KLC1: variants seen among roughly 807,000 people sequenced by gnomAD.
KLC1 encodes the protein kinesin 2 60/70kDa.
KLC1 carries 30 observed loss-of-function variants against 84.2 expected under a neutral mutation model. The ratio of observed to expected loss-of-function variants is 0.36; its 90% CI spans 0.27 to 0.48. The LOEUF (loss-of-function observed/expected upper bound fraction) is 0.48. Ranked by LOEUF, KLC1 falls within the 20% of genes least tolerant of loss-of-function variation. The pLI, the probability that KLC1 is intolerant of heterozygous loss-of-function variation, is 0.99. For missense variants in KLC1, 499 were observed against 805.4 expected (o/e 0.62, Z 4.60); for synonymous variants, 289 against 293.3 (o/e 0.99, Z 0.15).
chr14:103,670,010 T>C (rs1038846085), intron 6 of KLC1, among the ~76,000 whole-genome samples, 172 bp from the exon 7 acceptor site: 7 of 152,248 alleles, frequency 4.6e-5, no homozygotes, highest in Non-Finnish European at 1.0e-4. Context: ...TGTTACTTTG[T>C]ATAATCTATA....
chr14:103,637,934 G>A (rs1204949405), intron 1 of KLC1, among the ~76,000 whole-genome samples: 1 of 152,050 alleles, frequency 6.6e-6, no homozygotes, highest in Non-Finnish European at 1.5e-5. Context: ...CAAATGATCT[G>A]CTCTCCTTGG....
At chr14:103,670,597 A>G (rs562809191) in intron 7 of KLC1, among the ~76,000 whole-genome samples, 1 of 151,668 alleles carries the variant, frequency 6.6e-6, no homozygotes, top group East Asian at 1.9e-4. Context: ...GGCCTCCCAA[A>G]GTGCTGGGAT....
intron 1 of KLC1, among the ~76,000 whole-genome samples, chr14:103,643,088 A>C (rs571975768): frequency 5.9e-5 from 9 of 152,222 alleles, no homozygotes; most frequent in Non-Finnish European, 1.3e-4. Context: ...TATTTTTAAC[A>C]ATTAGTATTT....
rs1397991989 is a variant in KLC1 at position 103,694,140 on chromosome 14, T to A, written c.1848+1715T>A. ...CTTCCCAGCTGGAGCATCTTCCGGG[T>A]CTCTCTTTCCAAGGTCCCCATGCCT... On this transcript the variant is annotated intron_variant, in intron 15 of 16. Coordinates refer to ENST00000334553, the MANE Select transcript of KLC1 (RefSeq NM_001394837.1). The surrounding 1 kb of genome is among the most constrained non-coding windows in gnomAD (Gnocchi z 4.5). 1 of 985,384 alleles carries A rather than the reference T, an allele frequency of 1.0e-6. No individual in the cohort carries two copies. The highest frequency in any genetic ancestry group is 1.2e-6 in the Non-Finnish European group (1 of 829,756). 61.0% of individuals were successfully genotyped at this position (985,384 alleles called of 1,614,324 possible). A position where few individuals can be genotyped will look rare whatever the true frequency, so the allele number is the denominator to read the frequency against.
chr14:103,637,504 TG>T (rs1380567068), intron 1 of KLC1, among the ~76,000 whole-genome samples: 2 of 151,484 alleles, frequency 1.3e-5, no homozygotes, highest in Non-Finnish European at 2.9e-5. Flanking sequence ...CATTCCAGCC[TG>T]GGCAACAGAG....
At chr14:103,649,690 T>C (rs575964271) in intron 1 of KLC1, among the ~76,000 whole-genome samples, 1 of 151,414 alleles carries the variant, frequency 6.6e-6, no homozygotes, top group Admixed American at 6.6e-5. Flanking sequence ...AAAAAGGGCT[T>C]CTTATGTGTT....
Position 103,694,480 on chromosome 14 carries a change from T to A in KLC1, c.1848+2055T>A. ...TCACTTTTTAAAAGCTTAAGCTTTATGGAATGAGGGAGCACGGTGGACTCT... is the reference window on the plus strand; with the variant it reads ...TCACTTTTTAAAAGCTTAAGCTTTAAGGAATGAGGGAGCACGGTGGACTCT... On this transcript the variant is annotated intron_variant, in intron 15 of 16. Coordinates refer to ENST00000334553, the MANE Select transcript of KLC1 (RefSeq NM_001394837.1). This position sits in a 1 kb window ranked among gnomAD's most constrained non-coding sequence, Gnocchi z 4.5. 1.0e-6 allele frequency: 1 copy of A among 985,496 alleles called. No homozygotes were observed. Among genetic ancestry groups the A allele is most frequent in the Non-Finnish European group, 1.2e-6 (1 of 829,974 alleles). 61.0% of individuals were successfully genotyped at this position (985,496 alleles called of 1,614,324 possible).
chr14:103,661,886 C>T (rs933173620), intron 3 of KLC1, among the ~76,000 whole-genome samples: 2 of 152,172 alleles, frequency 1.3e-5, no homozygotes, highest in Non-Finnish European at 2.9e-5. Context: ...TGGCCCATTT[C>T]GTCAAACTGT....
chr14:103,694,963 A>G lies in KLC1; in HGVS notation c.1848+2538A>G, dbSNP rs909499493. On this transcript the variant is annotated intron_variant, in intron 15 of 16. Transcript: ENST00000334553. This position sits in a 1 kb window ranked among gnomAD's most constrained non-coding sequence, Gnocchi z 4.5. ...GTAGTCGCCAGCGGGTGCCTGGCCC[A>G]GGAGCTGCCCTGTGGAGCCAGCGTT... is the stretch of plus-strand genomic sequence containing the variant. 2 of 985,284 alleles carry G rather than the reference A, an allele frequency of 2.0e-6. No individual in the cohort carries two copies. Among genetic ancestry groups the G allele is most frequent in the African/African-American group, 3.5e-5 (2 of 57,218 alleles). 61.0% of individuals were successfully genotyped at this position (985,284 alleles called of 1,614,324 possible).
At position 103,701,190 on chromosome 14, in the gene KLC1, T is replaced by G. The variant is rs1213390127; in HGVS notation, c.*2-11T>G. 1.9e-6 allele frequency: 3 copies of G among 1,550,750 alleles called. No individual in the cohort carries two copies. The highest frequency in any genetic ancestry group is 2.6e-6 in the Non-Finnish European group (3 of 1,146,384). ...GGCGGCCCAGCCCTGACCTTCTATC[T>G]TCTCTTGCAGTGACCCCGACCTGGC... is the stretch of plus-strand genomic sequence containing the variant. On this transcript the variant is annotated splice_polypyrimidine_tract_variant and intron_variant, in intron 16 of 16. Coordinates refer to ENST00000334553, the MANE Select transcript of KLC1 (RefSeq NM_001394837.1).
At chr14:103,638,244 C>T (rs1188799197) in intron 1 of KLC1, among the ~76,000 whole-genome samples, 4 of 152,190 alleles carry the variant, frequency 2.6e-5, no homozygotes, top group Non-Finnish European at 5.9e-5. Flanking sequence ...CCTTAATGTG[C>T]TACCCTCGTC....
chr14:103,641,607 AT>A (rs1257707680), intron 1 of KLC1, among the ~76,000 whole-genome samples: 1 of 151,948 alleles, frequency 6.6e-6, no homozygotes, highest in Non-Finnish European at 1.5e-5. Flanking sequence ...AATAATAATT[AT>A]TTTTTTGAGA....
rs189673164 is a variant in KLC1 at position 103,701,272 on chromosome 14, G to A, written c.*73G>A. On this transcript the variant is annotated 3_prime_UTR_variant, in exon 17 of 17. Transcript: ENST00000334553. ...CCGGAGCTGGCCCGGGACAGCCAGG[G>A]CGGCAGGGAGGGCCCCTGGCCGGGA... is the stretch of plus-strand genomic sequence containing the variant. The A allele has an allele frequency of 7.0e-4, 1,052 of 1,513,546 alleles. 10 individuals carry two copies. In the East Asian group the frequency reaches 0.017, roughly 25 times the overall value. The allele number at this position is 1,513,546 out of a possible 1,614,324, so 93.8% of individuals were successfully genotyped here.
Position 103,651,583 on chromosome 14 carries a change from T to C in KLC1, c.-1-2981T>C, listed in dbSNP as rs546338504. 3.2e-4 allele frequency among the ~76,000 whole-genome samples: 48 copies of C among 152,350 alleles called. 3 individuals are homozygous for C. The highest frequency in any genetic ancestry group is 2.9e-3 in the Admixed American group (44 of 15,288). On this transcript the variant is annotated intron_variant, in intron 1 of 16. Transcript: ENST00000334553. ...GAGTCTAAATATACATGCCGCTGTC[T>C]GTTTCCCTCTGAAGAAGTGGCACGT...
rs149993792 is a variant in KLC1 at position 103,666,596 on chromosome 14, T to C, written c.798-2915T>C. Among the ~76,000 whole-genome samples, 3 of 151,476 alleles carry C rather than the reference T, an allele frequency of 2.0e-5. No homozygotes were observed. In the East Asian group the frequency reaches 5.8e-4, roughly 29 times the overall value. On this transcript the variant is annotated intron_variant, in intron 5 of 16. Coordinates refer to ENST00000334553, the MANE Select transcript of KLC1 (RefSeq NM_001394837.1). ...GTTTAATATACCTCATCTCATTTAATTCTTTTTTTTTTTTTTCTGAAACGA... is the reference window on the plus strand; with the variant it reads ...GTTTAATATACCTCATCTCATTTAACTCTTTTTTTTTTTTTTCTGAAACGA...
Position 103,693,419 on chromosome 14 carries a change from T to C in KLC1, c.1848+994T>C, listed in dbSNP as rs2082233496. On this transcript the variant is annotated intron_variant, in intron 15 of 16. Transcript: ENST00000334553. This position sits in a 1 kb window ranked among gnomAD's most constrained non-coding sequence, Gnocchi z 5.1. ...GTTTCTTGGAGTTTCTACATGCACA[T>C]TGACCCCTGGGCCTCTCGAGTGCCA... 9 of 1,383,778 alleles carry C rather than the reference T, an allele frequency of 6.5e-6. No homozygotes were observed. The highest frequency in any genetic ancestry group is 4.5e-5 in the Admixed American group (2 of 44,462). 85.7% of individuals were successfully genotyped at this position (1,383,778 alleles called of 1,614,324 possible). A position where few individuals can be genotyped will look rare whatever the true frequency, so the allele number is the denominator to read the frequency against.
At chr14:103,661,538 A>G (rs1395422656) in intron 3 of KLC1, among the ~76,000 whole-genome samples, 2 of 152,130 alleles carry the variant, frequency 1.3e-5, no homozygotes, top group Non-Finnish European at 2.9e-5. Context: ...CCTCATGACA[A>G]AGCTAATTTC....
chr14:103,699,720 C>A, intron 15 of KLC1: 1 of 766,010 alleles, frequency 1.3e-6, no homozygotes, highest in South Asian at 1.5e-5. Flanking sequence ...AGTCCCCATA[C>A]TCTGAGCCCA....
chr14:103,679,480 G>T lies in KLC1; in HGVS notation c.1585G>T (p.Val529Leu). The change falls in exon 13 of 17, where the codon GTG becomes TTG. Residue 529 changes from valine to leucine, a missense_variant. Val to Leu is a conservative substitution (Grantham distance 32, BLOSUM62 1). This residue lies in a region of KLC1 where 167 missense variants were observed against 208.8 expected (regional missense o/e 0.80). Transcript: ENST00000334553. ...RRSRESLNVD[V>L]VKYESGPDGG... ...GAGCCGTGAGAGCCTCAACGTGGAC[G>T]TGGTCAAGTACGAGAGTGGCCCTGA... 1 of 1,614,152 alleles carries T rather than the reference G, an allele frequency of 6.2e-7. No homozygotes were observed. Among genetic ancestry groups the T allele is most frequent in the Non-Finnish European group, 8.5e-7 (1 of 1,180,008 alleles).
Sources: allele counts gnomAD v4.1 joint callset (sites outside exome capture counted in the v4.1 genomes callset), GRCh38; gene constraint gnomAD v4.1.1; regional missense constraint gnomAD v4.1.1; non-coding constraint Gnocchi (gnomAD v3.1); transcripts MANE v1.5; gene names NCBI Gene and HGNC (gene_info 2026-07-23, HGNC 2026-07-21).